The following NRG1 variants were observed in gnomAD, a reference collection of about 807,000 sequenced individuals.
NRG1 encodes neuregulin 1, also known as pro-neuregulin-1, membrane-bound isoform.
In NRG1, 18 loss-of-function variants were observed where a neutral mutation model predicts 63.8. The ratio of observed to expected loss-of-function variants is 0.28; its 90% confidence interval spans 0.19 to 0.42. The LOEUF (loss-of-function observed/expected upper bound fraction) is 0.42. NRG1 is among the 10% of genes least tolerant of loss of function. The pLI, the probability that NRG1 is intolerant of heterozygous loss-of-function variation, is 1.00. For synonymous variants in NRG1, 302 were observed against 301.3 expected, an observed-to-expected ratio of 1.00 and a Z score of -0.02; for missense variants, 762 against 814.7, an observed-to-expected ratio of 0.94 and a Z score of 0.79.
At chr8:32,735,488 T>C (rs1824788857) in intron 6 of NRG1, among the ~76,000 whole-genome samples, 1 of 152,204 alleles carries the variant, frequency 6.6e-6, no homozygotes, top group Non-Finnish European at 1.5e-5. Flanking sequence ...AATATTTAGA[T>C]GTTTTATCAC....
rs1419941514 is a variant in NRG1, at chr8:32,160,967, C to A, written c.38-434861C>A. Among the ~76,000 whole-genome samples the A allele has an allele frequency of 2.6e-5, 4 of 152,116 alleles. No homozygotes were observed. In the East Asian group the frequency reaches 7.7e-4, roughly 29 times the overall value. ...ACCTACACTCTACTAAAATTATTGC[C>A]TTTTCTTAATGATGTTCCTGACTCA... On this transcript the variant is annotated intron_variant, in intron 1 of 10. Coordinates refer to the NRG1 transcript ENST00000519301.
chr8:31,734,657 G>A (rs750539542), intron 1 of NRG1, among the ~76,000 whole-genome samples: 15 of 152,094 alleles, frequency 9.9e-5, no homozygotes, highest in South Asian at 2.1e-4. Context: ...TAAGGATTAC[G>A]TATTAAACAT....
intron 1 of NRG1, among the ~76,000 whole-genome samples, chr8:32,258,902 A>G (rs1021556874): frequency 7.9e-5 from 12 of 152,126 alleles, no homozygotes; most frequent in African/African-American, 2.9e-4. Context: ...GCCCTTAACC[A>G]CTACATTATA....
chr8:32,300,898 A>C (rs1248172530), intron 1 of NRG1, among the ~76,000 whole-genome samples: 2 of 152,182 alleles, frequency 1.3e-5, no homozygotes, highest in Non-Finnish European at 2.9e-5. Context: ...CAAAAGGCAA[A>C]CCCATTGTAG....
chr8:32,212,221 G>C (rs1844770434), intron 1 of NRG1, among the ~76,000 whole-genome samples: 1 of 152,068 alleles, frequency 6.6e-6, no homozygotes, highest in Non-Finnish European at 1.5e-5. Flanking sequence ...AGGGGAGAAG[G>C]AAATGATAAG....
rs368454653 is a variant in NRG1 at position 32,295,899 on chromosome 8, T to G, written c.38-299929T>G. ...TTGCAGTGAGCCAAGATCGCGCCAT[T>G]GCACTCCAGCCTGGGTGACAGGGCA... On this transcript the variant is annotated intron_variant, in intron 1 of 10. Transcript: ENST00000519301. 1.3e-4 allele frequency among the ~76,000 whole-genome samples: 19 copies of G among 146,542 alleles called. No individual in the cohort carries two copies. The East Asian group carries it at 1.4e-3, about 11-fold the overall frequency.
intron 1 of NRG1, among the ~76,000 whole-genome samples, chr8:31,648,761 T>A (rs191272428): frequency 1.6e-4 from 25 of 152,302 alleles, no homozygotes; most frequent in South Asian, 8.3e-4. Flanking sequence ...CTCAATAATT[T>A]TCCATTGTAT....
intron 1 of NRG1, among the ~76,000 whole-genome samples, chr8:31,979,792 A>C (rs976830105): frequency 6.6e-6 from 1 of 152,108 alleles, no homozygotes; most frequent in African/African-American, 2.4e-5. Context: ...AGATTTTCTC[A>C]GACTCATCTA....
chr8:32,325,851 C>T (rs1801933989), intron 1 of NRG1, among the ~76,000 whole-genome samples: 1 of 152,136 alleles, frequency 6.6e-6, no homozygotes, highest in African/African-American at 2.4e-5. Flanking sequence ...TCTATTTCCA[C>T]AGGCTATTGC....
chr8:32,073,079 C>A (rs1270986136), intron 1 of NRG1, among the ~76,000 whole-genome samples: 1 of 152,070 alleles, frequency 6.6e-6, no homozygotes, highest in African/African-American at 2.4e-5. Flanking sequence ...GAAATTGATA[C>A]TATGAAAGTT....
chr8:32,647,719 T>C (rs1470570966), intron 5 of NRG1: 13 of 1,557,084 alleles, frequency 8.3e-6, no homozygotes, highest in Non-Finnish European at 1.1e-5. Flanking sequence ...GGTGAGCCGA[T>C]GGAGATTTAT....
At chr8:31,731,207 A>ATTGTATATATAC (rs1814012716) in intron 1 of NRG1, among the ~76,000 whole-genome samples, 1 of 152,186 alleles carries the variant, frequency 6.6e-6, no homozygotes. Flanking sequence ...ACATGAAGGC[A>ATTGTATATATAC]AAGCTATATA....
chr8:32,043,987 C>T (rs1645462494), intron 1 of NRG1, among the ~76,000 whole-genome samples: 1 of 151,486 alleles, frequency 6.6e-6, no homozygotes, highest in Non-Finnish European at 1.5e-5. Flanking sequence ...GTCTAAAGGG[C>T]CAATTTAAAG....
chr8:32,420,098 G>A (rs764113149), intron 1 of NRG1, among the ~76,000 whole-genome samples: 2 of 152,046 alleles, frequency 1.3e-5, no homozygotes, highest in Non-Finnish European at 2.9e-5. Context: ...GTTGCTGCTC[G>A]TACTCTCTGT....
chr8:31,766,722 T>C (rs1818101559), intron 1 of NRG1, among the ~76,000 whole-genome samples: 1 of 152,226 alleles, frequency 6.6e-6, no homozygotes, highest in South Asian at 2.1e-4. Flanking sequence ...GTGATTTTTC[T>C]GCCACAAGCA....
intron 1 of NRG1, among the ~76,000 whole-genome samples, chr8:32,439,326 C>A (rs1819209695): frequency 6.6e-6 from 1 of 152,148 alleles, no homozygotes; most frequent in African/African-American, 2.4e-5. Flanking sequence ...TTTGTCATTT[C>A]TTTGCTTCAG....
At chr8:32,766,859 CA>C (rs1564149994) in exon 12 of NRG1, 2 of 152,136 alleles carry the variant, frequency 1.3e-5, no homozygotes. Flanking sequence ...TTTGTGTTTA[CA>C]GGGGTATCTC....
chr8:32,336,095 A>G (rs1586891109), intron 1 of NRG1, among the ~76,000 whole-genome samples: 1 of 152,334 alleles, frequency 6.6e-6, no homozygotes, highest in Non-Finnish European at 1.5e-5. Flanking sequence ...TGTCCAGAGA[A>G]GACACCCACA....
At chr8:32,630,516 A>G (rs1427066783) in intron 5 of NRG1, among the ~76,000 whole-genome samples, 2 of 152,216 alleles carry the variant, frequency 1.3e-5, no homozygotes, top group African/African-American at 4.8e-5. Flanking sequence ...TAGGTTATTC[A>G]AAGAAAAGAA....
Sources: allele counts gnomAD v4.1 joint callset (sites outside exome capture counted in the v4.1 genomes callset), GRCh38; gene constraint gnomAD v4.1.1; transcripts MANE v1.5; gene names NCBI Gene and HGNC (gene_info 2026-07-23, HGNC 2026-07-21).